Variants in RBMXL1 observed in about 807,000 individuals in gnomAD.
RBMXL1 encodes the protein RBMX like 1, also known as RNA binding motif protein, X-linked-like-1.
RBMXL1 carries 18 observed loss-of-function variants against 29.0 expected under a neutral mutation model. The ratio of observed to expected loss-of-function variants is 0.62; its 90% CI spans 0.43 to 0.92. The LOEUF (loss-of-function observed/expected upper bound fraction) is 0.92. Ranked by LOEUF, RBMXL1 falls within the 40% of genes least tolerant of loss-of-function variation. RBMXL1 has a pLI of 0.00. For synonymous variants in RBMXL1, 141 were observed against 170.4 expected (o/e 0.83, Z 1.34); for missense variants, 403 against 495.8 (o/e 0.81, Z 1.78).
chr1:88,990,021 T>C (rs1030746490), intron 1 of RBMXL1, among the ~76,000 whole-genome samples: 1 of 152,102 alleles, frequency 6.6e-6, no homozygotes, highest in Non-Finnish European at 1.5e-5. Context: ...TTCTTTAAAT[T>C]TTTCCCACAC....
In RBMXL1 at chr1:88,990,485, A is replaced by C. The variant is rs181196497; in HGVS notation, c.-341+2100T>G. ...ATCCAGTGGACATTTTGCAATTCTC[A>C]CTTTCCTAGAGCTCTCTGCAGCTTT... On this transcript the variant is annotated intron_variant, in intron 1 of 2. Coordinates refer to ENST00000652648, the MANE Select transcript of RBMXL1 (RefSeq NM_001162536.3). Among the ~76,000 whole-genome samples, 25 of 152,190 alleles carry C rather than the reference A, an allele frequency of 1.6e-4. 1 individual carries two copies. The highest frequency in any genetic ancestry group is 6.0e-4 in the African/African-American group (25 of 41,504).
At chr1:88,990,002 C>T (rs1449458866) in intron 1 of RBMXL1, among the ~76,000 whole-genome samples, 2 of 152,150 alleles carry the variant, frequency 1.3e-5, no homozygotes, top group South Asian at 2.1e-4. Context: ...CTCCCATAGT[C>T]CAAAATGATT....
chr1:88,982,737 T>C lies in RBMXL1; in HGVS notation c.1090A>G (p.Ser364Gly), dbSNP rs1404167031. ...CTTGGTGCTCCGCGGCTTGAACTGCTGTAGGAATCACGTGAAGAAGGGTAC... is the reference window on the plus strand; with the variant it reads ...CTTGGTGCTCCGCGGCTTGAACTGCCGTAGGAATCACGTGAAGAAGGGTAC... ...RGYPSSRDSYSSSSRGAPRGA... is the reference protein window; with the variant it reads ...RGYPSSRDSYGSSSRGAPRGA... The change falls in exon 3 of 3, where the codon AGC becomes GGC. Residue 364 changes from serine (S) to glycine (G), a missense_variant. By Grantham distance (56) the Ser-to-Gly change is moderately conservative. Coordinates refer to ENST00000652648, the MANE Select transcript of RBMXL1 (RefSeq NM_001162536.3). 2 of 1,613,890 alleles carry C rather than the reference T, an allele frequency of 1.2e-6. No individual in the cohort carries two copies. Among genetic ancestry groups the C allele is most frequent in the Non-Finnish European group, 1.7e-6 (2 of 1,179,884 alleles).
intron 2 of RBMXL1, among the ~76,000 whole-genome samples, chr1:88,985,860 G>A (rs1677419367): frequency 6.6e-6 from 1 of 152,192 alleles, no homozygotes; most frequent in South Asian, 2.1e-4. Context: ...TGGACTAAAT[G>A]TACAAAAGGT....
chr1:88,991,293 T>C (rs1677780414), intron 1 of RBMXL1, among the ~76,000 whole-genome samples: 1 of 152,172 alleles, frequency 6.6e-6, no homozygotes, highest in South Asian at 2.1e-4. Context: ...ATCCAAATGA[T>C]CAATTTATAC....
At chr1:88,991,423 G>A (rs1400799546) in intron 1 of RBMXL1, among the ~76,000 whole-genome samples, 1 of 152,198 alleles carries the variant, frequency 6.6e-6, no homozygotes, top group Non-Finnish European at 1.5e-5. Flanking sequence ...CTAATAATGC[G>A]CCGCCCACAC....
rs1407390478 is a variant in RBMXL1 at position 88,983,044 on chromosome 1, G to A, written c.783C>T (p.Gly261=). The change falls in exon 3 of 3, where the codon GGC becomes GGT. Residue 261 remains glycine (G), a synonymous_variant. Coordinates refer to ENST00000652648, the MANE Select transcript of RBMXL1 (RefSeq NM_001162536.3). The part of the protein sequence containing the change: ...SRDDYPSRGY[G]DRDGYGRDRD... ...GATCACGACCATATCCATCTCTATC[G>A]CCATAGCCTCTTGATGGATAGTCAT... is the stretch of plus-strand genomic sequence containing the variant. 3.1e-6 allele frequency: 5 copies of A among 1,612,560 alleles called. No homozygotes were observed. The highest frequency in any genetic ancestry group is 2.2e-5 in the South Asian group (2 of 90,990).
intron 2 of RBMXL1, 38 bp from the exon 3 acceptor site, chr1:88,984,104 T>C: frequency 6.0e-6 from 3 of 501,622 alleles, no homozygotes; most frequent in African/African-American, 1.9e-5. Flanking sequence ...AACTCAGAAG[T>C]GGAAATGTAA....
chr1:88,983,082 A>G lies in RBMXL1; in HGVS notation c.745T>C (p.Ser249Pro). ...RDYTYRDYGHSSSRDDYPSRG... is the reference protein window; with the variant it reads ...RDYTYRDYGHPSSRDDYPSRG... ...GATGGATAGTCATCACGTGAACTGG[A>G]ATGACCATAATCACGGTAAGTATAA... Residue 249 changes from serine (S) to proline (P), a missense_variant, in exon 3 of 3, where the codon TCC becomes CCC. By Grantham distance (74) the Ser-to-Pro change is moderately conservative. Transcript: ENST00000652648. 1 of 1,612,420 alleles carries G rather than the reference A, an allele frequency of 6.2e-7. No individual in the cohort carries two copies. The highest frequency in any genetic ancestry group is 8.5e-7 in the Non-Finnish European group (1 of 1,180,016).
chr1:88,987,486 A>G (rs1476370027), intron 2 of RBMXL1, among the ~76,000 whole-genome samples: 3 of 152,260 alleles, frequency 2.0e-5, no homozygotes, highest in Admixed American at 1.3e-4. Context: ...TAGGTTGAAT[A>G]CAAAATTGTC....
intron 2 of RBMXL1, 37 bp downstream of exon 2, chr1:88,988,215 A>C: frequency 3.0e-6 from 4 of 1,343,618 alleles, no homozygotes; most frequent in Non-Finnish European, 4.2e-6. Context: ...AGTGCAGAAT[A>C]TGTACAATAA....
At position 88,979,730 on chromosome 1, in the gene RBMXL1, G is replaced by C. The variant is rs968705421; in HGVS notation, c.*2924C>G. On this transcript the variant is annotated 3_prime_UTR_variant, in exon 3 of 3. Transcript: ENST00000652648. ...TACAACCCTGGTGGGAATATAAAAG[G>C]GTATAGCCCCTTTGGAAAACAAACA... 6.6e-6 allele frequency: 1 copy of C among 152,146 alleles called. No homozygotes were observed. The highest frequency in any genetic ancestry group is 1.5e-5 in the Non-Finnish European group (1 of 68,030). The allele number at this position is 152,146 out of a possible 1,614,324, so 9.4% of individuals were successfully genotyped here.
At chr1:88,987,678 A>C (rs1274489728) in intron 2 of RBMXL1, among the ~76,000 whole-genome samples, 2 of 152,198 alleles carry the variant, frequency 1.3e-5, no homozygotes, top group Non-Finnish European at 2.9e-5. Flanking sequence ...CTTTAGAATA[A>C]ATCTTAGACC....
chr1:88,991,742 G>A lies in RBMXL1; in HGVS notation c.-341+843C>T, dbSNP rs141539186. On this transcript the variant is annotated intron_variant, in intron 1 of 2. Coordinates refer to ENST00000652648, the MANE Select transcript of RBMXL1 (RefSeq NM_001162536.3). ...ACTTCTCCAGAAGGAAAGCAGTGCG[G>A]CTGCCTGGCTGATAGCAGGAATTCG... is the stretch of plus-strand genomic sequence containing the variant. Among the ~76,000 whole-genome samples the A allele has an allele frequency of 4.0e-4, 61 of 152,356 alleles. No homozygotes were observed. In the East Asian group the frequency reaches 6.9e-3, roughly 17 times the overall value.
chr1:88,986,193 AGAG>A (rs1163356940), intron 2 of RBMXL1, among the ~76,000 whole-genome samples: 9 of 119,548 alleles, frequency 7.5e-5, no homozygotes, highest in African/African-American at 8.9e-5. Flanking sequence ...AAAAAAAAAA[AGAG>A]AGAGAGAGAG....
chr1:88,992,064 C>T (rs1677834014), intron 1 of RBMXL1, among the ~76,000 whole-genome samples: 1 of 151,336 alleles, frequency 6.6e-6, no homozygotes, highest in East Asian at 2.0e-4. Flanking sequence ...CTGCAAGCTC[C>T]GCCTCCCGGG....
rs535320003 is a variant in RBMXL1, at chr1:88,980,104, A to C, written c.*2550T>G. The C allele has an allele frequency of 2.2e-4, 34 of 152,338 alleles. No individual in the cohort carries two copies. Among genetic ancestry groups the C allele is most frequent in the Non-Finnish European group, 3.5e-4 (24 of 68,020 alleles). 9.4% of individuals were successfully genotyped at this position (152,338 alleles called of 1,614,324 possible). On this transcript the variant is annotated 3_prime_UTR_variant, in exon 3 of 3. Coordinates refer to ENST00000652648, the MANE Select transcript of RBMXL1 (RefSeq NM_001162536.3). ...CAATCCCATTTATATAAAATACTAA[A>C]CACCACCACAAAGCAAACTAATATA... is the stretch of plus-strand genomic sequence containing the variant.
rs1677144519 is a variant in RBMXL1 at position 88,982,538 on chromosome 1, A to T, written c.*116T>A. 7.1e-6 allele frequency: 10 copies of T among 1,400,090 alleles called. No homozygotes were observed. The highest frequency in any genetic ancestry group is 9.6e-6 in the Non-Finnish European group (10 of 1,042,856). The allele number at this position is 1,400,090 out of a possible 1,614,324, so 86.7% of individuals were successfully genotyped here. On this transcript the variant is annotated 3_prime_UTR_variant, in exon 3 of 3. Coordinates refer to ENST00000652648, the MANE Select transcript of RBMXL1 (RefSeq NM_001162536.3). ...ACGGAAGGGACTTAACAGGGAATTT[A>T]AAAAAGGTAACACAATTTTTCCTTT...
At position 88,980,265 on chromosome 1, in the gene RBMXL1, T is replaced by C. The variant is rs1677016592; in HGVS notation, c.*2389A>G. The C allele has an allele frequency of 6.6e-6, 1 of 152,626 alleles. No homozygotes were observed. The highest frequency in any genetic ancestry group is 6.5e-5 in the Admixed American group (1 of 15,280). 9.5% of individuals were successfully genotyped at this position (152,626 alleles called of 1,614,324 possible). On this transcript the variant is annotated 3_prime_UTR_variant, in exon 3 of 3. Coordinates refer to ENST00000652648, the MANE Select transcript of RBMXL1 (RefSeq NM_001162536.3). ...GCATATACATCTGTCAAAATAACCA[T>C]TGAGTTGTAATTCTAAACAGATACA...
Sources: allele counts gnomAD v4.1 joint callset (sites outside exome capture counted in the v4.1 genomes callset), GRCh38; gene constraint gnomAD v4.1.1; transcripts MANE v1.5; gene names NCBI Gene and HGNC (gene_info 2026-07-23, HGNC 2026-07-21).